The following TRPV2 variants were observed in gnomAD, a reference collection of about 807,000 sequenced individuals.
TRPV2 encodes the protein OTRPC2.
In TRPV2, 58 loss-of-function variants were observed where a neutral mutation model predicts 91.0. The observed-to-expected ratio is 0.64, with a 90% confidence interval of 0.52 to 0.79. TRPV2 has a LOEUF of 0.79. Among genes scored for constraint, TRPV2 ranks in the 30% least tolerant of loss-of-function variants. TRPV2 has a pLI of 0.00. For synonymous variants in TRPV2, 417 were observed against 414.8 expected, an observed-to-expected ratio of 1.01 and a Z score of -0.06; for missense variants, 807 against 969.6, an observed-to-expected ratio of 0.83 and a Z score of 2.23.
At chr17:16,427,423 T>C in intron 7 of TRPV2, 26 bp from the exon 8 acceptor site, 5 of 1,610,024 alleles carry the variant, frequency 3.1e-6, no homozygotes, top group Non-Finnish European at 4.2e-6. Flanking sequence ...CCCAAGGCCC[T>C]AGGTCTCATC....
At chr17:16,420,710 G>A (rs777113481) in intron 3 of TRPV2, among the ~76,000 whole-genome samples, 17 of 152,192 alleles carry the variant, frequency 1.1e-4, no homozygotes, top group Non-Finnish European at 2.1e-4. Context: ...AGAGCCAAGG[G>A]TAAACACAGT....
chr17:16,427,315 G>T, intron 7 of TRPV2, 134 bp from the exon 8 acceptor site: 5 of 751,436 alleles, frequency 6.7e-6, no homozygotes, highest in South Asian at 1.9e-5. Context: ...CTTCCCTGGA[G>T]CCCATGTTCC....
chr17:16,420,100 C>T lies in TRPV2; in HGVS notation c.201-15C>T, dbSNP rs777819794. The T allele has an allele frequency of 2.5e-6, 4 of 1,609,664 alleles. No homozygotes were observed. The South Asian group carries it at 4.4e-5, about 18-fold the overall frequency. On this transcript the variant is annotated splice_polypyrimidine_tract_variant and intron_variant, in intron 2 of 14. Coordinates refer to ENST00000338560, the MANE Select transcript of TRPV2 (RefSeq NM_016113.5). ...GTTCTTCTCCAGCATGAGTCACAAA[C>T]CACATCCTCCACAGTCAGCCGGATC...
rs553116352 is a variant in TRPV2 at position 16,435,921 on chromosome 17, C to T, written c.2195-868C>T. On this transcript the variant is annotated intron_variant, in intron 14 of 14. Transcript: ENST00000338560. This position sits in a 1 kb window ranked among gnomAD's most constrained non-coding sequence, Gnocchi z 4.2. Reference sequence around the variant, plus strand: ...TGCCAGGAAAGTCACCTCTGAAAGTCACCTTGTCCCTCCCTCATCTTGCCC... The same window carrying T: ...TGCCAGGAAAGTCACCTCTGAAAGTTACCTTGTCCCTCCCTCATCTTGCCC... Among the ~76,000 whole-genome samples, 489 of 152,264 alleles carry T rather than the reference C, an allele frequency of 3.2e-3. 2 individuals carry two copies. Among genetic ancestry groups the T allele is most frequent in the African/African-American group, 0.011 (450 of 41,554 alleles).
intron 5 of TRPV2, among the ~76,000 whole-genome samples, chr17:16,424,402 C>T (rs772795121): frequency 1.1e-4 from 16 of 151,810 alleles, no homozygotes; most frequent in Non-Finnish European, 2.1e-4. Context: ...CCTCGTGATC[C>T]ACCCGCTTCG....
intron 10 of TRPV2, among the ~76,000 whole-genome samples, chr17:16,430,163 C>A (rs2093403228): frequency 6.6e-6 from 1 of 152,022 alleles, no homozygotes; most frequent in Non-Finnish European, 1.5e-5. Context: ...CTGCGCCTGG[C>A]CCATTTTAAC....
intron 2 of TRPV2, among the ~76,000 whole-genome samples, chr17:16,419,907 G>A (rs2093348408): frequency 1.3e-5 from 2 of 152,230 alleles, no homozygotes; most frequent in African/African-American, 4.8e-5. Flanking sequence ...GCAGCTTAGT[G>A]CCTGGACAGG....
chr17:16,422,844 T>C lies in TRPV2; in HGVS notation c.580T>C (p.Cys194Arg), dbSNP rs866836417. 1.5e-5 allele frequency: 24 copies of C among 1,571,702 alleles called. No homozygotes were observed. The highest frequency in any genetic ancestry group is 4.1e-5 in the African/African-American group (3 of 73,816). Residue 194 changes from cysteine (C) to arginine (R), a missense_variant, in exon 4 of 15, where the codon TGC becomes CGC. Transcript: ENST00000338560. ...TGGGGCCAATGTGCATGCCCGGGCC[T>C]GCGGCCGCTTCTTCCAGAAGGGCCA... ...ENGANVHARA[C>R]GRFFQKGQGT...
At position 16,426,397 on chromosome 17, in the gene TRPV2, C is replaced by A; in HGVS notation, c.1095+128C>A. 1 of 1,206,340 alleles carries A rather than the reference C, an allele frequency of 8.3e-7. No homozygotes were observed. The highest frequency in any genetic ancestry group is 1.2e-6 in the Non-Finnish European group (1 of 867,712). 74.7% of individuals were successfully genotyped at this position (1,206,340 alleles called of 1,614,324 possible). ...TGCCAGTGGGGGTGTGGCTGCATGT[C>A]CCAGCAGGCACGACCCTGACCATGG... is the stretch of plus-strand genomic sequence containing the variant. On this transcript the variant is annotated intron_variant, in intron 6 of 14. Transcript: ENST00000338560. This position sits in a 1 kb window ranked among gnomAD's most constrained non-coding sequence, Gnocchi z 6.0.
chr17:16,421,867 T>C (rs1346862110), intron 3 of TRPV2, among the ~76,000 whole-genome samples: 1 of 152,154 alleles, frequency 6.6e-6, no homozygotes, highest in Non-Finnish European at 1.5e-5. Flanking sequence ...ATTCCCATTT[T>C]ACAGTAACGA....
intron 1 of TRPV2, chr17:16,416,732 T>C (rs2093332389): frequency 6.6e-6 from 1 of 152,250 alleles, no homozygotes; most frequent in South Asian, 2.1e-4. Context: ...TGGTGTCAGA[T>C]CCGGCTCTGC....
rs1407832860 is a variant in TRPV2 at position 16,427,541 on chromosome 17, G to C, written c.1344G>C (p.Val448=). 1 of 1,611,818 alleles carries C rather than the reference G, an allele frequency of 6.2e-7. No homozygotes were observed. The highest frequency in any genetic ancestry group is 1.7e-5 in the Admixed American group (1 of 59,868). ...TGCTAGGGGGGATCTACCTCCTCGT[G>C]GGCCAGGTGAGTGCCCCTCCCCTTC... is the stretch of plus-strand genomic sequence containing the variant. ...LILLGGIYLL[V]GQLWYFWRRH... The change falls in exon 8 of 15, where the codon GTG becomes GTC. Residue 448 remains valine (V), a synonymous_variant. Transcript: ENST00000338560.
rs1293776150 is a variant in TRPV2, at chr17:16,435,413, C to T, written c.2194+444C>T. Among the ~76,000 whole-genome samples the T allele has an allele frequency of 2.0e-5, 3 of 152,158 alleles. No homozygotes were observed. The highest frequency in any genetic ancestry group is 3.9e-4 in the East Asian group (2 of 5,194). On this transcript the variant is annotated intron_variant, in intron 14 of 14. Transcript: ENST00000338560. This position sits in a 1 kb window ranked among gnomAD's most constrained non-coding sequence, Gnocchi z 4.2. ...TCCCTGGACCCTCAGAGGAACTGCC[C>T]TGCATAGGCCCTTAGTCCCTTCACA...
In TRPV2 at chr17:16,422,670, C is replaced by T; in HGVS notation, c.406C>T (p.Leu136=). The part of the protein sequence containing the change: ...NLKDGVNACI[L]PLLQIDRDSG... ...TAAGGACGGAGTCAATGCCTGCATT[C>T]TGCCACTGCTGCAGATCGACAGGGA... Residue 136 remains leucine (L), a synonymous_variant, in exon 4 of 15, where the codon CTG becomes TTG. Coordinates refer to ENST00000338560, the MANE Select transcript of TRPV2 (RefSeq NM_016113.5). 1 of 1,613,744 alleles carries T rather than the reference C, an allele frequency of 6.2e-7. No individual in the cohort carries two copies. The highest frequency in any genetic ancestry group is 8.5e-7 in the Non-Finnish European group (1 of 1,179,818).
At chr17:16,417,168 G>A (rs1021945106) in intron 1 of TRPV2, among the ~76,000 whole-genome samples, 3 of 152,108 alleles carry the variant, frequency 2.0e-5, no homozygotes, top group African/African-American at 7.2e-5. Flanking sequence ...CCCTGCATTG[G>A]GGCTGGGCTC....
At position 16,434,890 on chromosome 17, in the gene TRPV2, G is replaced by A; in HGVS notation, c.2115G>A (p.Arg705=). ...CTCAGAGCTGCTCTGTTGCCCTCAGGGTGGAGGAGGTGAACTGGGCTTCAT... is the reference window on the plus strand; with the variant it reads ...CTCAGAGCTGCTCTGTTGCCCTCAGAGTGGAGGAGGTGAACTGGGCTTCAT... ...DGSPDERWCF[R]VEEVNWASWE... Residue 705 remains arginine (R), a splice_region_variant and synonymous_variant, in exon 14 of 15, where the codon AGG becomes AGA. Transcript: ENST00000338560. 6.2e-7 allele frequency: 1 copy of A among 1,611,256 alleles called. No homozygotes were observed. The highest frequency in any genetic ancestry group is 8.5e-7 in the Non-Finnish European group (1 of 1,179,116).
Position 16,426,166 on chromosome 17 carries a change from G to A in TRPV2, c.992G>A (p.Trp331Ter), listed in dbSNP as rs759842481. 6.2e-7 allele frequency: 1 copy of A among 1,614,094 alleles called. No individual in the cohort carries two copies. The highest frequency in any genetic ancestry group is 1.3e-5 in the African/African-American group (1 of 74,932). Residue 331 changes from tryptophan to a stop codon, truncating the protein, a stop_gained, in exon 6 of 15, where the codon TGG (tryptophan) becomes TAG (stop). Transcript: ENST00000338560. LOFTEE classifies it high-confidence loss of function. The surrounding 1 kb of genome is among the most constrained non-coding windows in gnomAD (Gnocchi z 6.0). ...LSHLSRKFTE[W>*]CYGPVRVSLY... is the part of the protein sequence containing the mutation. The stretch of plus-strand genomic sequence containing the variant: ...CACCTTTCCCGAAAGTTCACCGAGT[G>A]GTGCTATGGGCCTGTCCGGGTGTCG...
At chr17:16,430,647 G>A (rs560735417) in intron 10 of TRPV2, among the ~76,000 whole-genome samples, 2 of 152,074 alleles carry the variant, frequency 1.3e-5, no homozygotes, top group East Asian at 3.9e-4. Flanking sequence ...CACCACATCC[G>A]GCAAATTTTT....
In TRPV2 at chr17:16,426,789, T is replaced by C; in HGVS notation, c.1163T>C (p.Ile388Thr). The C allele has an allele frequency of 6.2e-7, 1 of 1,614,102 alleles. No individual in the cohort carries two copies. Among genetic ancestry groups the C allele is most frequent in the African/African-American group, 1.3e-5 (1 of 75,038 alleles). ...KLLQAKWDLL[I>T]PKFFLNFLCN... Reference sequence around the variant, plus strand: ...CTGCAGGCGAAATGGGATCTGCTCATCCCCAAGTTCTTCTTAAACTTCCTG... The same window carrying C: ...CTGCAGGCGAAATGGGATCTGCTCACCCCCAAGTTCTTCTTAAACTTCCTG... The change falls in exon 7 of 15, where the codon ATC becomes ACC. Residue 388 changes from isoleucine to threonine, a missense_variant. Transcript: ENST00000338560. This position sits in a 1 kb window ranked among gnomAD's most constrained non-coding sequence, Gnocchi z 6.0.
Sources: allele counts gnomAD v4.1 joint callset (sites outside exome capture counted in the v4.1 genomes callset), GRCh38; gene constraint gnomAD v4.1.1; non-coding constraint Gnocchi (gnomAD v3.1); transcripts MANE v1.5; gene names NCBI Gene and HGNC (gene_info 2026-07-23, HGNC 2026-07-21).